The following SYT9 variants were observed in gnomAD, a reference collection of about 807,000 sequenced individuals.
The protein encoded by SYT9 is synaptotagmin 9, also known as synaptotagmin-9.
Under a neutral mutation model 48.4 loss-of-function variants are expected in SYT9, and 22 were observed. That is an observed-to-expected ratio of 0.45 (90% CI 0.32 to 0.65). SYT9 has a LOEUF of 0.65. Ranked by LOEUF, SYT9 falls within the 30% of genes least tolerant of loss-of-function variation. The pLI is 0.03. For synonymous variants in SYT9, 265 were observed against 245.0 expected (o/e 1.08, Z -0.76); for missense variants, 577 against 622.0 (o/e 0.93, Z 0.77).
chr11:7,393,395 C>G (rs906364807), intron 3 of SYT9, among the ~76,000 whole-genome samples: 12 of 150,700 alleles, frequency 8.0e-5, no homozygotes, highest in Non-Finnish European at 1.8e-4. Flanking sequence ...GCTTATATGG[C>G]CAATCACATT....
chr11:7,264,331 T>C (rs1486995240), intron 1 of SYT9, among the ~76,000 whole-genome samples: 1 of 152,114 alleles, frequency 6.6e-6, no homozygotes, highest in African/African-American at 2.4e-5. Context: ...TTAAAGTAAT[T>C]TCCATCAGCA....
At chr11:7,262,132 T>TG (rs1848091374) in intron 1 of SYT9, among the ~76,000 whole-genome samples, 2 of 152,086 alleles carry the variant, frequency 1.3e-5, no homozygotes, top group African/African-American at 4.8e-5. Context: ...GGTCAGATTC[T>TG]GGGTAGCTGG....
intron 6 of SYT9, chr11:7,437,604 A>G (rs151196211): frequency 8.6e-5 from 13 of 151,934 alleles, no homozygotes; most frequent in African/African-American, 3.1e-4. Context: ...AACTGCCCAT[A>G]TTTTTAGGAC....
intron 1 of SYT9, among the ~76,000 whole-genome samples, chr11:7,259,464 T>C (rs184802223): frequency 6.6e-6 from 1 of 152,156 alleles, no homozygotes; most frequent in East Asian, 1.9e-4. Flanking sequence ...TGATAAATTA[T>C]AAACAGTGAG....
chr11:7,322,638 C>T (rs1160831826), intron 3 of SYT9, among the ~76,000 whole-genome samples: 1 of 152,078 alleles, frequency 6.6e-6, no homozygotes, highest in Admixed American at 6.6e-5. Flanking sequence ...AGCTTTTATT[C>T]TAGTGAGGGT....
At chr11:7,371,494 T>C (rs1381949767) in intron 3 of SYT9, among the ~76,000 whole-genome samples, 5 of 143,440 alleles carry the variant, frequency 3.5e-5, no homozygotes, top group Non-Finnish European at 8.0e-5. Context: ...CTCTTATATA[T>C]AGAAAAAAAG....
At chr11:7,255,001 A>C (rs536485808) in intron 1 of SYT9, among the ~76,000 whole-genome samples, 10 of 152,266 alleles carry the variant, frequency 6.6e-5, no homozygotes, top group Admixed American at 6.5e-4. Context: ...ACTTGATGCA[A>C]TTGTGGTTTA....
chr11:7,404,740 T>A (rs1398285227), intron 3 of SYT9, among the ~76,000 whole-genome samples: 3 of 152,170 alleles, frequency 2.0e-5, no homozygotes, highest in Non-Finnish European at 4.4e-5. Flanking sequence ...CATGAATGCT[T>A]TGGTCAACCT....
In SYT9 at chr11:7,308,686, C is replaced by G. The variant is rs1009514198; in HGVS notation, c.498-4709C>G. On this transcript the variant is annotated intron_variant, in intron 2 of 6. Transcript: ENST00000318881. The stretch of plus-strand genomic sequence containing the variant: ...AGTTTCCTCAGCCAGAGGCCTTTCT[C>G]CCTCTCATCTTCTGGTGGGGGAACC... 2.0e-5 allele frequency among the ~76,000 whole-genome samples: 3 copies of G among 152,176 alleles called. No individual in the cohort carries two copies. The East Asian group carries it at 5.8e-4, about 29-fold the overall frequency.
At chr11:7,365,111 A>C (rs1850216157) in intron 3 of SYT9, among the ~76,000 whole-genome samples, 1 of 151,986 alleles carries the variant, frequency 6.6e-6, no homozygotes, top group South Asian at 2.1e-4. Flanking sequence ...GAAACGCTCC[A>C]TTGACTGCAA....
At chr11:7,353,978 A>G (rs945356721) in intron 3 of SYT9, among the ~76,000 whole-genome samples, 5 of 152,226 alleles carry the variant, frequency 3.3e-5, no homozygotes, top group African/African-American at 1.2e-4. Flanking sequence ...TAATGGCTTT[A>G]TACTACAATT....
At chr11:7,243,943 ATTT>A (rs10631365) in intron 1 of SYT9, among the ~76,000 whole-genome samples, 37 of 148,078 alleles carry the variant, frequency 2.5e-4, no homozygotes, top group African/African-American at 9.0e-4. Flanking sequence ...TGCAGAAAGC[ATTT>A]TTTTTTTTTT....
At chr11:7,254,002 A>G (rs1049102451) in intron 1 of SYT9, among the ~76,000 whole-genome samples, 5 of 152,198 alleles carry the variant, frequency 3.3e-5, no homozygotes, top group Non-Finnish European at 7.3e-5. Flanking sequence ...GATGAGGCCT[A>G]TCTCTGAATC....
chr11:7,395,407 T>G (rs896112463), intron 3 of SYT9, among the ~76,000 whole-genome samples: 2 of 152,076 alleles, frequency 1.3e-5, no homozygotes, highest in African/African-American at 4.8e-5. Flanking sequence ...TTTGTTAGTT[T>G]TCTACAAAGA....
chr11:7,356,858 G>C (rs752351535), intron 3 of SYT9, among the ~76,000 whole-genome samples: 1 of 152,106 alleles, frequency 6.6e-6, no homozygotes, highest in East Asian at 1.9e-4. Flanking sequence ...TGTGTGCCAG[G>C]CACTGCACTG....
upstream of SYT9, among the ~76,000 whole-genome samples, chr11:7,249,537 T>C (rs755464895): frequency 6.6e-6 from 1 of 152,222 alleles, no homozygotes; most frequent in Non-Finnish European, 1.5e-5. Context: ...TTTCTTTGCC[T>C]GTAAAATAGG....
intron 6 of SYT9, among the ~76,000 whole-genome samples, chr11:7,462,380 CA>C (rs1848252271): frequency 7.6e-6 from 1 of 131,794 alleles, no homozygotes; most frequent in South Asian, 2.2e-4. Flanking sequence ...TGGACCCTTT[CA>C]TTTTTCCATG....
At chr11:7,343,857 T>C (rs534808481) in intron 3 of SYT9, among the ~76,000 whole-genome samples, 2 of 152,046 alleles carry the variant, frequency 1.3e-5, no homozygotes, top group Admixed American at 6.6e-5. Context: ...TGGTGGAAGG[T>C]AAAAGGCATG....
At chr11:7,397,358 C>T (rs1392059718) in intron 3 of SYT9, among the ~76,000 whole-genome samples, 1 of 152,134 alleles carries the variant, frequency 6.6e-6, no homozygotes, top group Non-Finnish European at 1.5e-5. Flanking sequence ...GGTATAGCCT[C>T]TTCATTTTGT....
Sources: allele counts gnomAD v4.1 joint callset (sites outside exome capture counted in the v4.1 genomes callset), GRCh38; gene constraint gnomAD v4.1.1; transcripts MANE v1.5; gene names NCBI Gene and HGNC (gene_info 2026-07-23, HGNC 2026-07-21).